DIAPH1: variants seen among roughly 807,000 people sequenced by gnomAD.
The protein encoded by DIAPH1 is diaphanous related formin 1, also known as protein diaphanous homolog 1.
DIAPH1 carries 46 observed loss-of-function variants against 140.7 expected under a neutral mutation model. The observed-to-expected ratio is 0.33, with a 90% CI of 0.26 to 0.42. DIAPH1 has a LOEUF of 0.42. DIAPH1 is among the 10% of genes least tolerant of loss of function. DIAPH1 has a pLI of 1.00. For synonymous variants in DIAPH1, 565 were observed against 551.6 expected (o/e 1.02, Z -0.34); for missense variants, 1,310 against 1,558.7 (o/e 0.84, Z 2.69).
At chr5:141,574,871 C>G (rs1420196235) in intron 15 of DIAPH1, 96 bp downstream of exon 15, 1 of 1,375,394 alleles carries the variant, frequency 7.3e-7, no homozygotes, top group Non-Finnish European at 1.0e-6. Context: ...CTATTAGTAG[C>G]TGAACCCTCC....
At chr5:141,520,873 T>C (rs1378976938) in intron 27 of DIAPH1, among the ~76,000 whole-genome samples, 1 of 152,190 alleles carries the variant, frequency 6.6e-6, no homozygotes, top group African/African-American at 2.4e-5. Flanking sequence ...TCATTAGCCA[T>C]GTAGACCTGG....
At position 141,588,219 on chromosome 5, in the gene DIAPH1, C is replaced by G. The variant is rs777060994; in HGVS notation, c.144+5G>C. 6 of 1,610,968 alleles carry G rather than the reference C, an allele frequency of 3.7e-6. No homozygotes were observed. In the East Asian group the frequency reaches 1.3e-4, roughly 36 times the overall value. On this transcript the variant is annotated splice_donor_5th_base_variant and intron_variant, in intron 2 of 27. Coordinates refer to ENST00000389054, the MANE Select transcript of DIAPH1 (RefSeq NM_005219.5). The stretch of plus-strand genomic sequence containing the variant: ...ACATGCACATGCTAAACAAAATGTC[C>G]TTACCTCATCTGCCATGAGCCGCTT...
chr5:141,591,579 G>C (rs899438601), intron 1 of DIAPH1, among the ~76,000 whole-genome samples: 1 of 150,336 alleles, frequency 6.7e-6, no homozygotes, highest in East Asian at 1.9e-4. Context: ...ACAGAACTCA[G>C]GCATCCAGAC....
chr5:141,618,384 T>TA (rs2099903044), intron 1 of DIAPH1: 1 of 156,946 alleles, frequency 6.4e-6, no homozygotes, highest in African/African-American at 2.4e-5. Flanking sequence ...GAGAAGGAAA[T>TA]ACGAGAATAC....
Position 141,529,629 on chromosome 5 carries a change from C to T in DIAPH1, c.2650G>A (p.Ala884Thr), listed in dbSNP as rs1214856083. 6.2e-7 allele frequency: 1 copy of T among 1,614,026 alleles called. No individual in the cohort carries two copies. Among genetic ancestry groups the T allele is most frequent in the Non-Finnish European group, 8.5e-7 (1 of 1,180,006 alleles). ...IKNVILEVNE[A>T]VLTESMIQNL... The stretch of plus-strand genomic sequence containing the variant: ...TGGATCATAGACTCAGTCAGAACAG[C>T]CTCATTCACCTCCAGGATGACATTC... The change falls in exon 20 of 28, where the codon GCT becomes ACT. Residue 884 changes from alanine to threonine, a missense_variant. Ala to Thr is a moderately conservative substitution (Grantham distance 58). Around this residue, in one of 3 missense-constraint regions of DIAPH1, gnomAD observed 344 missense variants for 512.2 expected, o/e 0.67. Transcript: ENST00000389054.
intron 9 of DIAPH1, among the ~76,000 whole-genome samples, 153 bp from the exon 10 acceptor site, chr5:141,578,778 G>T (rs2099896325): frequency 6.6e-6 from 1 of 152,242 alleles, no homozygotes; most frequent in Non-Finnish European, 1.5e-5. Flanking sequence ...AATGAGACCT[G>T]GTTTGAGTAC....
intron 16 of DIAPH1, among the ~76,000 whole-genome samples, chr5:141,572,979 G>C (rs10072121): frequency 0.038 from 5,819 of 152,128 alleles, 140 homozygotes; most frequent in South Asian, 0.075. Context: ...CAGAATACAG[G>C]GTTCACAGAA....
At chr5:141,561,502 C>T (rs1049080696) in intron 18 of DIAPH1, among the ~76,000 whole-genome samples, 4 of 149,524 alleles carry the variant, frequency 2.7e-5, no homozygotes, top group Admixed American at 2.7e-4. Flanking sequence ...CCAAGTACTT[C>T]TAGAAATCTA....
chr5:141,596,173 A>G lies in DIAPH1; in HGVS notation c.118-7923T>C, dbSNP rs1039427325. On this transcript the variant is annotated intron_variant, in intron 1 of 27. Transcript: ENST00000389054. ...TGAAACTCGTCTCTACTAAAAAATA[A>G]ATACAAAAAATTAGCCGGGCGTGGT... 1.4e-4 allele frequency among the ~76,000 whole-genome samples: 22 copies of G among 152,132 alleles called. 1 individual carries two copies. The highest frequency in any genetic ancestry group is 4.8e-4 in the African/African-American group (20 of 41,418).
chr5:141,556,466 G>A (rs1228003078), intron 18 of DIAPH1, among the ~76,000 whole-genome samples: 2 of 152,142 alleles, frequency 1.3e-5, no homozygotes, highest in Non-Finnish European at 2.9e-5. Flanking sequence ...CTCCGTTGAC[G>A]GCAGTGTGCA....
intron 9 of DIAPH1, 45 bp from the exon 10 acceptor site, chr5:141,578,670 A>C (rs1596384129): frequency 7.0e-7 from 1 of 1,423,964 alleles, no homozygotes; most frequent in Non-Finnish European, 9.9e-7. Flanking sequence ...TAACTCCTGG[A>C]GATCAAGAAT....
At chr5:141,586,691 T>C (rs2099897611) in intron 3 of DIAPH1, among the ~76,000 whole-genome samples, 1 of 152,222 alleles carries the variant, frequency 6.6e-6, no homozygotes, top group African/African-American at 2.4e-5. Context: ...TTGTTGTGAA[T>C]ACCTCCACAC....
rs767712795 is a variant in DIAPH1 at position 141,529,217 on chromosome 5, C to T, written c.2733G>A (p.Lys911=). ...PEQLKMLSEL[K]DEYDDLAESE... is the part of the protein sequence containing the mutation. ...ACTCAGCCAGGTCATCATATTCATC[C>T]TTCAGTTCAGAAAGCATTTTTAACT... The change falls in exon 21 of 28, where the codon AAG becomes AAA. Residue 911 remains lysine, a synonymous_variant. Coordinates refer to ENST00000389054, the MANE Select transcript of DIAPH1 (RefSeq NM_005219.5). The T allele has an allele frequency of 6.2e-7, 1 of 1,614,192 alleles. No individual in the cohort carries two copies. The highest frequency in any genetic ancestry group is 2.2e-5 in the East Asian group (1 of 44,880).
chr5:141,586,260 C>T (rs1418282670), intron 3 of DIAPH1, among the ~76,000 whole-genome samples: 1 of 152,168 alleles, frequency 6.6e-6, no homozygotes, highest in Non-Finnish European at 1.5e-5. Flanking sequence ...TATTAAGAGA[C>T]AAACTGAAAG....
Position 141,580,826 on chromosome 5 carries a change from T to C in DIAPH1, c.742A>G (p.Met248Val). The change falls in exon 8 of 28, where the codon ATG (methionine) becomes GTG (valine). Residue 248 changes from methionine (M) to valine (V), a missense_variant. By Grantham distance (21) the Met-to-Val change is conservative (BLOSUM62 1). Transcript: ENST00000389054. ...ATCATGTTGGGAACAGCAGGATCCA[T>C]GGCTCTGACCAGCAGTAGGATTCCT... is the stretch of plus-strand genomic sequence containing the variant. The part of the protein sequence containing the change: ...EEGILLLVRA[M>V]DPAVPNMMID... 1 of 1,614,220 alleles carries C rather than the reference T, an allele frequency of 6.2e-7. No homozygotes were observed. Among genetic ancestry groups the C allele is most frequent in the East Asian group, 2.2e-5 (1 of 44,878 alleles).
intron 1 of DIAPH1, among the ~76,000 whole-genome samples, chr5:141,596,153 C>G (rs999291506): frequency 2.6e-5 from 4 of 152,282 alleles, no homozygotes; most frequent in African/African-American, 9.6e-5. Flanking sequence ...CACAGTGAAA[C>G]TCGTCTCTAC....
At chr5:141,614,815 TAAA>T (rs3840354) in intron 1 of DIAPH1, among the ~76,000 whole-genome samples, 4 of 148,066 alleles carry the variant, frequency 2.7e-5, no homozygotes, top group Admixed American at 1.3e-4. Context: ...CATCATCTGT[TAAA>T]AAAAAAAAAA....
chr5:141,577,321 A>G (rs1267022333), intron 12 of DIAPH1, among the ~76,000 whole-genome samples, 154 bp downstream of exon 12: 1 of 152,238 alleles, frequency 6.6e-6, no homozygotes, highest in Non-Finnish European at 1.5e-5. Context: ...GATTAAAGAA[A>G]TAAGACAACT....
intron 18 of DIAPH1, among the ~76,000 whole-genome samples, chr5:141,570,113 A>G (rs2099894945): frequency 6.6e-6 from 1 of 151,606 alleles, no homozygotes; most frequent in Non-Finnish European, 1.5e-5. Flanking sequence ...CCCAACTAGA[A>G]TTAATAGGAA....
Sources: allele counts gnomAD v4.1 joint callset (sites outside exome capture counted in the v4.1 genomes callset), GRCh38; gene constraint gnomAD v4.1.1; regional missense constraint gnomAD v4.1.1; transcripts MANE v1.5; gene names NCBI Gene and HGNC (gene_info 2026-07-23, HGNC 2026-07-21).